The following NHSL1 variants were observed in gnomAD, a reference collection of about 807,000 sequenced individuals.
The protein encoded by NHSL1 is NHS like 1.
In NHSL1, 48 loss-of-function variants were observed where a neutral mutation model predicts 95.0. That is an observed-to-expected ratio of 0.51 (90% CI 0.40 to 0.64). NHSL1 has a LOEUF of 0.64. Among genes scored for constraint, NHSL1 ranks in the 30% least tolerant of loss-of-function variants. The pLI, the probability that NHSL1 is intolerant of heterozygous loss-of-function variation, is 0.00. For synonymous variants in NHSL1, 783 were observed against 833.9 expected (o/e 0.94, Z 1.05); for missense variants, 1,971 against 2,077.7 (o/e 0.95, Z 1.00).
At chr6:138,618,761 T>C (rs1248836921) in intron 1 of NHSL1, among the ~76,000 whole-genome samples, 1 of 152,214 alleles carries the variant, frequency 6.6e-6, no homozygotes, top group Admixed American at 6.5e-5. Context: ...TAATGACTTG[T>C]ACCGAGTGAT....
At position 138,432,154 on chromosome 6, in the gene NHSL1, G is replaced by A; in HGVS notation, c.2191C>T (p.Pro731Ser). The A allele has an allele frequency of 2.6e-6, 4 of 1,548,466 alleles. No homozygotes were observed. The highest frequency in any genetic ancestry group is 3.5e-6 in the Non-Finnish European group (4 of 1,145,294). The change falls in exon 6 of 8, where the codon CCC (proline) becomes TCC (serine). Residue 731 changes from proline to serine, a missense_variant. This residue lies in a region of NHSL1 where 1,602 missense variants were observed against 1,654.5 expected (regional missense o/e 0.97). Coordinates refer to ENST00000343505, the MANE Select transcript of NHSL1 (RefSeq NM_001144060.2). This position sits in a 1 kb window ranked among gnomAD's most constrained non-coding sequence, Gnocchi z 4.4. ...SQSPCSDLEE[P>S]WLPRSRSQST... ...TGGCTCCGGGAGCGGGGCAGCCAGG[G>A]CTCTTCCAAGTCACTGCAGGGGCTC...
chr6:138,472,055 G>A (rs1778786878), intron 3 of NHSL1, among the ~76,000 whole-genome samples: 1 of 151,738 alleles, frequency 6.6e-6, no homozygotes, highest in East Asian at 1.9e-4. Flanking sequence ...GGTGGCGTGT[G>A]CCTGTAATTC....
intron 4 of NHSL1, among the ~76,000 whole-genome samples, chr6:138,443,809 G>A (rs770557196): frequency 1.3e-4 from 20 of 152,170 alleles, no homozygotes; most frequent in East Asian, 1.9e-4. Flanking sequence ...CAGCATGGGC[G>A]ACAGAGTGAG....
rs560997701 is a variant in NHSL1, at chr6:138,445,304, T to C, written c.532+1697A>G. On this transcript the variant is annotated intron_variant, in intron 4 of 7. Transcript: ENST00000343505. ...TAATGTAATTACATTTCTGCTGCAT[T>C]TAATCAATCAAATAATGTAATTCAT... is the stretch of plus-strand genomic sequence containing the variant. Among the ~76,000 whole-genome samples, 12 of 152,306 alleles carry C rather than the reference T, an allele frequency of 7.9e-5. 3 individuals carry two copies. Among genetic ancestry groups the C allele is most frequent in the African/African-American group, 2.9e-4 (12 of 41,576 alleles).
intron 2 of NHSL1, among the ~76,000 whole-genome samples, chr6:138,492,208 T>C (rs1780118216): frequency 6.6e-6 from 1 of 152,198 alleles, no homozygotes; most frequent in Non-Finnish European, 1.5e-5. Flanking sequence ...CTATCTCCTC[T>C]CTCATGTGGG....
intron 1 of NHSL1, among the ~76,000 whole-genome samples, chr6:138,686,588 A>G (rs1035415018): frequency 3.9e-5 from 6 of 152,228 alleles, no homozygotes; most frequent in African/African-American, 1.4e-4. Context: ...ATCCCTCAGT[A>G]GAATCACAAA....
intron 1 of NHSL1, among the ~76,000 whole-genome samples, chr6:138,583,719 A>G (rs939684172): frequency 8.5e-5 from 13 of 152,138 alleles, no homozygotes; most frequent in Non-Finnish European, 1.5e-5. Flanking sequence ...GATGAACTCA[A>G]GTTTCTTTAC....
chr6:138,447,285 G>A (rs1343360609), intron 3 of NHSL1, 92 bp from the exon 4 acceptor site: 1 of 1,117,652 alleles, frequency 8.9e-7, no homozygotes. Context: ...AAATTGGACT[G>A]GTTTAAAAGA....
At chr6:138,678,072 C>T (rs1785470770) in intron 1 of NHSL1, among the ~76,000 whole-genome samples, 1 of 152,194 alleles carries the variant, frequency 6.6e-6, no homozygotes, top group Non-Finnish European at 1.5e-5. Context: ...TTGCTGCTCT[C>T]ATCCTCCACT....
chr6:138,542,567 G>T (rs988607311), intron 1 of NHSL1, among the ~76,000 whole-genome samples: 3 of 152,188 alleles, frequency 2.0e-5, no homozygotes, highest in Admixed American at 6.5e-5. Flanking sequence ...CAAAACATCA[G>T]TCTGTAATGG....
rs766691684 is a variant in NHSL1, at chr6:138,447,166, TTTC to T, written c.364_366del (p.Glu122del). 6.4e-7 allele frequency: 1 copy of T among 1,551,416 alleles called. No homozygotes were observed. The highest frequency in any genetic ancestry group is 1.2e-5 in the South Asian group (1 of 84,044). On this transcript the variant is annotated inframe_deletion, in exon 4 of 8. Coordinates refer to ENST00000343505, the MANE Select transcript of NHSL1 (RefSeq NM_001144060.2). ...TTAGGTCTCCTGATGGAAATAAATC[TTTC>T]TTCTTCTGATGAAGACAGAGAACAC... is the stretch of plus-strand genomic sequence containing the variant.
intron 1 of NHSL1, among the ~76,000 whole-genome samples, chr6:138,682,581 A>G (rs941499499): frequency 3.3e-5 from 5 of 152,230 alleles, no homozygotes; most frequent in Non-Finnish European, 7.3e-5. Context: ...TCAAGGAAGG[A>G]CCCTGTGTAA....
At chr6:138,520,280 C>CTTTTTTT (rs397888767) in intron 1 of NHSL1, among the ~76,000 whole-genome samples, 2 of 80,940 alleles carry the variant, frequency 2.5e-5, no homozygotes, top group African/African-American at 4.6e-5. Flanking sequence ...TAGTTTAATT[C>CTTTTTTT]TTTTTTTTTT....
chr6:138,449,512 T>TAAAATA (rs1291280676), intron 3 of NHSL1, among the ~76,000 whole-genome samples: 2 of 151,972 alleles, frequency 1.3e-5, no homozygotes, highest in Admixed American at 6.6e-5. Flanking sequence ...CCGTCTCTAC[T>TAAAATA]AAAATAAAAA....
chr6:138,531,022 T>G (rs528760111), intron 1 of NHSL1, among the ~76,000 whole-genome samples: 2 of 152,290 alleles, frequency 1.3e-5, no homozygotes, highest in Middle Eastern at 3.4e-3. Context: ...TCTTTTTCCA[T>G]GTGAAAATAC....
chr6:138,570,277 A>G (rs1783790140), intron 1 of NHSL1, among the ~76,000 whole-genome samples: 1 of 152,104 alleles, frequency 6.6e-6, no homozygotes, highest in African/African-American at 2.4e-5. Flanking sequence ...AGGAATCAAA[A>G]CTATACCCTC....
In NHSL1 at chr6:138,424,266, C is replaced by T; in HGVS notation, c.4636G>A (p.Ala1546Thr). ...CCGTCCAGGGAACATCCCTCCGCAG[C>T]GCCCAGAGCCCCGCGGGCTATGCTG... ...VDSIARGALG[A>T]AEGCSLDGLA... Residue 1546 changes from alanine to threonine, a missense_variant, in exon 8 of 8, where the codon GCT (alanine) becomes ACT (threonine). Ala to Thr is a moderately conservative substitution (Grantham distance 58). Transcript: ENST00000343505. The surrounding 1 kb of genome is among the most constrained non-coding windows in gnomAD (Gnocchi z 5.9). The T allele has an allele frequency of 6.7e-7, 1 of 1,496,500 alleles. No individual in the cohort carries two copies. The highest frequency in any genetic ancestry group is 8.9e-7 in the Non-Finnish European group (1 of 1,121,130). 92.7% of individuals were successfully genotyped at this position (1,496,500 alleles called of 1,614,324 possible).
At chr6:138,454,762 T>G (rs1777472862) in intron 3 of NHSL1, among the ~76,000 whole-genome samples, 2 of 152,274 alleles carry the variant, frequency 1.3e-5, no homozygotes, top group Non-Finnish European at 2.9e-5. Context: ...AGTGATCTAA[T>G]CTCTCCAAGA....
intron 1 of NHSL1, among the ~76,000 whole-genome samples, chr6:138,655,958 G>T (rs1785150859): frequency 6.6e-6 from 1 of 152,172 alleles, no homozygotes; most frequent in African/African-American, 2.4e-5. Context: ...GAAAGCAGAA[G>T]TCACCAGAAA....
Sources: allele counts gnomAD v4.1 joint callset (sites outside exome capture counted in the v4.1 genomes callset), GRCh38; gene constraint gnomAD v4.1.1; regional missense constraint gnomAD v4.1.1; non-coding constraint Gnocchi (gnomAD v3.1); transcripts MANE v1.5; gene names NCBI Gene and HGNC (gene_info 2026-07-23, HGNC 2026-07-21).